The following MYO16 variants were observed in gnomAD, a reference collection of about 807,000 sequenced individuals.
The protein encoded by MYO16 is myosin XVI.
In MYO16, 94 loss-of-function variants were observed where a neutral mutation model predicts 205.3. The ratio of observed to expected loss-of-function variants is 0.46; its 90% CI spans 0.39 to 0.54. The LOEUF is 0.54. Among genes scored for constraint, MYO16 ranks in the 20% least tolerant of loss-of-function variants. The pLI is 0.00. For missense variants in MYO16, 2,315 were observed against 2,387.5 expected (o/e 0.97, Z 0.63); for synonymous variants, 988 against 954.0 (o/e 1.04, Z -0.66).
chr13:108,694,115 G>A (rs1352259760), intron 2 of MYO16, among the ~76,000 whole-genome samples: 3 of 152,150 alleles, frequency 2.0e-5, no homozygotes, highest in Non-Finnish European at 4.4e-5. Flanking sequence ...TACCATTGAT[G>A]AGCATTTAGG....
intron 6 of MYO16, among the ~76,000 whole-genome samples, chr13:108,805,128 A>G (rs1460376946): frequency 1.3e-5 from 2 of 152,236 alleles, no homozygotes; most frequent in African/African-American, 4.8e-5. Flanking sequence ...CGTAGAATCA[A>G]TTTAGAAGCA....
At chr13:108,990,357 T>A (rs549919508) in intron 20 of MYO16, among the ~76,000 whole-genome samples, 2 of 152,188 alleles carry the variant, frequency 1.3e-5, no homozygotes, top group Admixed American at 6.5e-5. Context: ...GATTGAAAAA[T>A]AGTGATCAAA....
intron 4 of MYO16, among the ~76,000 whole-genome samples, chr13:108,745,564 A>G (rs1885033926): frequency 6.6e-6 from 1 of 152,202 alleles, no homozygotes; most frequent in Non-Finnish European, 1.5e-5. Flanking sequence ...CCCAGCTACT[A>G]GCCAGATCAA....
chr13:108,916,852 G>C, intron 16 of MYO16, among the ~76,000 whole-genome samples: 1 of 152,202 alleles, frequency 6.6e-6, no homozygotes, highest in East Asian at 1.9e-4. Flanking sequence ...GTAAATGACA[G>C]AGGTGGATTT....
At position 108,665,886 on chromosome 13, in the gene MYO16, G is replaced by A; in HGVS notation, c.29G>A (p.Cys10Tyr). Residue 10 changes from cysteine (C) to tyrosine (Y), a missense_variant and splice_region_variant, in exon 2 of 35, where the codon TGT (cysteine) becomes TAT (tyrosine). Cys to Tyr is a radical substitution (Grantham distance 194). Transcript: ENST00000457511. ...GACGCTCCCCTTGCATTTCTTCCAG[G>A]TTGCTTTCAGCTATGTAACGTTTTT... is the stretch of plus-strand genomic sequence containing the variant. MSHYHFIKC[C>Y]CFQLCNVFRS... The A allele has an allele frequency of 1.2e-6, 2 of 1,612,482 alleles. No homozygotes were observed. Among genetic ancestry groups the A allele is most frequent in the Non-Finnish European group, 1.7e-6 (2 of 1,178,872 alleles).
At chr13:108,762,832 G>T (rs729548) in intron 4 of MYO16, among the ~76,000 whole-genome samples, 1 of 152,148 alleles carries the variant, frequency 6.6e-6, no homozygotes, top group East Asian at 1.9e-4. Flanking sequence ...AAGAGCCTAC[G>T]TCTTAACCTA....
chr13:108,781,495 A>G (rs1040340056), intron 4 of MYO16, among the ~76,000 whole-genome samples: 1 of 152,192 alleles, frequency 6.6e-6, no homozygotes, highest in South Asian at 2.1e-4. Flanking sequence ...GCCAACTCCC[A>G]TGCACAGCTG....
intron 24 of MYO16, among the ~76,000 whole-genome samples, chr13:109,048,151 ATATGTGTGTGTG>A (rs1468036024): frequency 3.8e-5 from 4 of 105,188 alleles, no homozygotes; most frequent in Non-Finnish European, 5.5e-5. Context: ...TGTTAATAGG[ATATGTGTGTGTG>A]TGTGTGTGTG....
intron 20 of MYO16, among the ~76,000 whole-genome samples, chr13:108,971,351 A>T (rs1158257511): frequency 4.1e-3 from 25 of 6,150 alleles, no homozygotes; most frequent in African/African-American, 9.5e-3. Flanking sequence ...TGTGTTGATT[A>T]TATATATATA....
intron 28 of MYO16, among the ~76,000 whole-genome samples, chr13:109,111,834 G>A (rs767502191): frequency 8.6e-5 from 13 of 151,724 alleles, no homozygotes; most frequent in Non-Finnish European, 1.3e-4. Context: ...CTACAGGCAC[G>A]TGCCACCACG....
intron 2 of MYO16, among the ~76,000 whole-genome samples, chr13:108,697,369 A>C (rs1220247617): frequency 6.6e-6 from 1 of 152,168 alleles, no homozygotes; most frequent in Admixed American, 6.5e-5. Flanking sequence ...GAAGTTGGCT[A>C]AAGTCCTATC....
intron 15 of MYO16, among the ~76,000 whole-genome samples, chr13:108,905,037 A>C (rs1880897593): frequency 6.6e-6 from 1 of 152,186 alleles, no homozygotes; most frequent in Admixed American, 6.6e-5. Context: ...TGTGATAGCA[A>C]GATTTTTAAT....
the MYO16 span, among the ~76,000 whole-genome samples, chr13:108,548,576 ATGATGGTGG>A: frequency 6.7e-6 from 1 of 149,162 alleles, no homozygotes; most frequent in Admixed American, 6.7e-5. Flanking sequence ...GAGGATAATA[ATGATGGTGG>A]TGGTGGTGGT....
At chr13:108,823,367 G>A (rs547589783) in intron 9 of MYO16, 89 bp downstream of exon 9, 24 of 1,227,748 alleles carry the variant, frequency 2.0e-5, no homozygotes, top group Admixed American at 2.4e-5. Flanking sequence ...CTCAGCCAAA[G>A]AGTTAGAACA....
intron 5 of MYO16, among the ~76,000 whole-genome samples, chr13:108,792,581 G>C (rs937858299): frequency 2.1e-5 from 3 of 142,338 alleles, no homozygotes; most frequent in Non-Finnish European, 4.5e-5. Context: ...GTGCAATCTT[G>C]GCTCACTGCA....
chr13:109,172,544 G>T (rs538430869), intron 33 of MYO16, among the ~76,000 whole-genome samples: 90 of 152,280 alleles, frequency 5.9e-4, no homozygotes, highest in African/African-American at 2.0e-3. Flanking sequence ...TGTTCCCAGT[G>T]CTTAAGGCAT....
intron 5 of MYO16, among the ~76,000 whole-genome samples, chr13:108,792,709 G>C (rs1886654416): frequency 1.3e-5 from 2 of 151,898 alleles, no homozygotes; most frequent in Non-Finnish European, 2.9e-5. Flanking sequence ...ATGGGGTTTT[G>C]CTATGTTGGC....
chr13:109,112,746 A>C (rs1347596060), intron 28 of MYO16, among the ~76,000 whole-genome samples: 1 of 151,500 alleles, frequency 6.6e-6, no homozygotes, highest in Non-Finnish European at 1.5e-5. Context: ...AACTCTGCCA[A>C]AAAAAAAATA....
intron 22 of MYO16, among the ~76,000 whole-genome samples, chr13:109,018,207 C>T (rs959365536): frequency 2.0e-5 from 3 of 152,176 alleles, no homozygotes; most frequent in African/African-American, 7.2e-5. Context: ...GTTAGTTTTC[C>T]TTCTAACTGT....
Sources: gnomAD v4.1 joint callset for allele counts (sites outside exome capture counted in the v4.1 genomes callset) on GRCh38, gnomAD v4.1.1 for gene constraint, MANE v1.5 for transcripts, NCBI Gene and HGNC (gene_info 2026-07-23, HGNC 2026-07-21) for gene names.